COL5A3: variants seen among roughly 807,000 people sequenced by gnomAD.
COL5A3 encodes the protein collagen alpha-3(V) chain.
Under a neutral mutation model 250.0 loss-of-function variants are expected in COL5A3, and 172 were observed. The ratio of observed to expected loss-of-function variants is 0.69; its 90% CI spans 0.61 to 0.78. The LOEUF is 0.78. COL5A3 is among the 30% of genes least tolerant of loss of function. The pLI, the probability that COL5A3 is intolerant of heterozygous loss-of-function variation, is 0.00. For missense variants in COL5A3, 2,340 were observed against 2,334.4 expected, an observed-to-expected ratio of 1.00 and a Z score of -0.05; for synonymous variants, 937 against 900.4, an observed-to-expected ratio of 1.04 and a Z score of -0.73.
At chr19:9,978,382 C>A (rs1006312222) in intron 41 of COL5A3, among the ~76,000 whole-genome samples, 192 bp downstream of exon 41, 1 of 152,048 alleles carries the variant, frequency 6.6e-6, no homozygotes, top group Admixed American at 6.6e-5. Flanking sequence ...TGCCTCCATG[C>A]CTGGCTAATT....
intron 4 of COL5A3, 49 bp from the exon 5 acceptor site, chr19:10,004,194 G>GGC (rs1228098774): frequency 7.1e-7 from 1 of 1,405,188 alleles, no homozygotes; most frequent in South Asian, 1.2e-5. Flanking sequence ...TACAGCCATA[G>GGC]GCTTACTCTG....
At chr19:10,004,522 G>T (rs569860020) in intron 4 of COL5A3, among the ~76,000 whole-genome samples, 1 of 152,198 alleles carries the variant, frequency 6.6e-6, no homozygotes, top group Non-Finnish European at 1.5e-5. Flanking sequence ...GTAAAGACAA[G>T]GTTTTGCCAT....
intron 51 of COL5A3, 85 bp from the exon 52 acceptor site, chr19:9,971,343 C>CCAAACTGTTCCTGG: frequency 9.1e-7 from 1 of 1,098,408 alleles, no homozygotes; most frequent in Non-Finnish European, 1.3e-6. Flanking sequence ...TATCCAGGAA[C>CCAAACTGTTCCTGG]AGTTTGGTTT....
At chr19:10,007,087 C>A (rs2087454615) in intron 1 of COL5A3, among the ~76,000 whole-genome samples, 1 of 149,080 alleles carries the variant, frequency 6.7e-6, no homozygotes, top group Admixed American at 6.7e-5. Flanking sequence ...CTGACTTTCC[C>A]CTCTAACCTC....
intron 53 of COL5A3, 63 bp from the exon 54 acceptor site, chr19:9,970,738 G>T: frequency 7.6e-7 from 1 of 1,308,212 alleles, no homozygotes; most frequent in Non-Finnish European, 1.0e-6. Flanking sequence ...GACTGTTTTA[G>T]GACGCCTTGG....
intron 49 of COL5A3, 63 bp downstream of exon 49, chr19:9,973,693 C>A (rs1236335275): frequency 1.2e-6 from 2 of 1,612,126 alleles, no homozygotes; most frequent in Non-Finnish European, 1.7e-6. Flanking sequence ...CCCAGAATGT[C>A]CCTGCCCAAT....
At chr19:10,008,611 C>T (rs926650017) in intron 1 of COL5A3, among the ~76,000 whole-genome samples, 7 of 152,090 alleles carry the variant, frequency 4.6e-5, no homozygotes, top group South Asian at 2.1e-4. Context: ...TGTGCAAATA[C>T]GTGTATGTGC....
At chr19:9,981,789 C>A (rs1462692088) in intron 32 of COL5A3, among the ~76,000 whole-genome samples, 1 of 152,208 alleles carries the variant, frequency 6.6e-6, no homozygotes, top group Non-Finnish European at 1.5e-5. Flanking sequence ...CCTTGTTCAC[C>A]CAGGCACAGG....
Position 9,966,342 on chromosome 19 carries a change from C to A in COL5A3, c.4754G>T (p.Cys1585Phe). ...CTCAAACTTCTTGTCGGGATAGAGGCAGGTCTCTCCTCCCGCCGTGAAGTT... is the reference window on the plus strand; with the variant it reads ...CTCAAACTTCTTGTCGGGATAGAGGAAGGTCTCTCCTCCCGCCGTGAAGTT... ...FCNFTAGGET[C>F]LYPDKKFEIV... The change falls in exon 64 of 67, where the codon TGC becomes TTC. Residue 1585 changes from cysteine to phenylalanine, a missense_variant. By Grantham distance (205) the Cys-to-Phe change is radical. Coordinates refer to ENST00000264828, the MANE Select transcript of COL5A3 (RefSeq NM_015719.4). 1 of 1,606,436 alleles carries A rather than the reference C, an allele frequency of 6.2e-7. No individual in the cohort carries two copies. The highest frequency in any genetic ancestry group is 8.5e-7 in the Non-Finnish European group (1 of 1,175,966).
intron 8 of COL5A3, among the ~76,000 whole-genome samples, chr19:9,999,469 C>CTTTTTTTTTTT (rs530527039): frequency 8.3e-5 from 10 of 120,398 alleles, no homozygotes; most frequent in African/African-American, 3.4e-4. Context: ...TTTCTTTTTT[C>CTTTTTTTTTTT]TTTTTTTTTT....
rs2087498457 is a variant in COL5A3, at chr19:10,009,693, G to A, written c.88+605C>T. On this transcript the variant is annotated intron_variant, in intron 1 of 66. Transcript: ENST00000264828. The surrounding 1 kb of genome is among the most constrained non-coding windows in gnomAD (Gnocchi z 4.4). ...AGAGGAGGAAAAGGGAGAATGAGGT[G>A]AAGCCATTTAAAGAGACGCAAAGGA... Among the ~76,000 whole-genome samples, 1 of 152,034 alleles carries A rather than the reference G, an allele frequency of 6.6e-6. No individual in the cohort carries two copies. The highest frequency in any genetic ancestry group is 1.5e-5 in the Non-Finnish European group (1 of 68,010).
intron 8 of COL5A3, among the ~76,000 whole-genome samples, chr19:9,998,482 A>G (rs913024544): frequency 3.9e-5 from 6 of 152,302 alleles, no homozygotes; most frequent in South Asian, 4.1e-4. Context: ...TAACCGGTCA[A>G]CCTGTAAAGT....
Position 9,978,593 on chromosome 19 carries a change from G to A in COL5A3, c.2999C>T (p.Pro1000Leu), listed in dbSNP as rs150568367. ...PTGLKGDKGP[P>L]GPVGANGSPG... ...ACTTACATTGGCCCCCACGGGCCCT[G>A]GGGGGCCCTTATCACCCTTTAAGCC... is the stretch of plus-strand genomic sequence containing the variant. Residue 1000 changes from proline (P) to leucine (L), a missense_variant, in exon 41 of 67, where the codon CCA becomes CTA. Pro to Leu is a moderately conservative substitution (Grantham distance 98, BLOSUM62 -3). Coordinates refer to ENST00000264828, the MANE Select transcript of COL5A3 (RefSeq NM_015719.4). The A allele has an allele frequency of 2.5e-6, 4 of 1,577,278 alleles. No individual in the cohort carries two copies. Among genetic ancestry groups the A allele is most frequent in the Admixed American group, 3.8e-5 (2 of 53,036 alleles).
chr19:9,978,545 C>T, intron 41 of COL5A3, 29 bp downstream of exon 41: 2 of 1,523,916 alleles, frequency 1.3e-6, no homozygotes, highest in Non-Finnish European at 1.8e-6. Context: ...TCCACCCTGC[C>T]CCCACCCAGC....
In COL5A3 at chr19:9,966,862, G is replaced by C. The variant is rs965628589; in HGVS notation, c.4459-116C>G. The C allele has an allele frequency of 5.1e-6, 4 of 778,154 alleles. No individual in the cohort carries two copies. In the Admixed American group the frequency reaches 8.1e-5, roughly 16 times the overall value. The allele number at this position is 778,154 out of a possible 1,614,324, so 48.2% of individuals were successfully genotyped here. On this transcript the variant is annotated intron_variant, in intron 62 of 66. Coordinates refer to ENST00000264828, the MANE Select transcript of COL5A3 (RefSeq NM_015719.4). ...ACAGACACAAATGAGAAAGAGGAGGGAGAGAGATAAACAAGGGGCAGAGAT... is the reference window on the plus strand; with the variant it reads ...ACAGACACAAATGAGAAAGAGGAGGCAGAGAGATAAACAAGGGGCAGAGAT...
intron 41 of COL5A3, among the ~76,000 whole-genome samples, chr19:9,978,085 G>C (rs1484058181): frequency 6.6e-6 from 1 of 151,286 alleles, no homozygotes; most frequent in African/African-American, 2.4e-5. Context: ...GGGATTATAG[G>C]CATGAGCAAC....
At chr19:10,006,271 G>A in intron 1 of COL5A3, 40 bp from the exon 2 acceptor site, 4 of 1,549,114 alleles carry the variant, frequency 2.6e-6, no homozygotes, top group Non-Finnish European at 3.5e-6. Flanking sequence ...GCAGAGGTGG[G>A]GAACAGCTAG....
intron 5 of COL5A3, 24 bp from the exon 6 acceptor site, chr19:10,003,738 T>C (rs2087397111): frequency 1.2e-6 from 2 of 1,613,268 alleles, no homozygotes; most frequent in Non-Finnish European, 1.7e-6. Flanking sequence ...TCCAGTCAGG[T>C]CTAGAGCATC....
intron 24 of COL5A3, 55 bp from the exon 25 acceptor site, chr19:9,989,577 C>G: frequency 6.7e-7 from 1 of 1,487,926 alleles, no homozygotes; most frequent in South Asian, 1.2e-5. Context: ...CCCTGGAGCA[C>G]CACTAGGATC....
Sources: allele counts gnomAD v4.1 joint callset (sites outside exome capture counted in the v4.1 genomes callset), GRCh38; gene constraint gnomAD v4.1.1; non-coding constraint Gnocchi (gnomAD v3.1); transcripts MANE v1.5; gene names NCBI Gene and HGNC (gene_info 2026-07-23, HGNC 2026-07-21).